Variants in ZNF665 observed in about 807,000 individuals in gnomAD.
ZNF665 encodes the protein zinc finger protein 665.
A neutral mutation model predicts 7.9 loss-of-function variants in ZNF665; 6 were observed. The observed-to-expected ratio is 0.76, with a 90% CI of 0.42 to 1.50. ZNF665 has a LOEUF of 1.50. ZNF665 is among the 40% of genes most tolerant of loss of function. The pLI is 0.01. For missense variants in ZNF665, 819 were observed against 806.7 expected, an observed-to-expected ratio of 1.02 and a Z score of -0.18; for synonymous variants, 242 against 274.5, an observed-to-expected ratio of 0.88 and a Z score of 1.17.
intron 1 of ZNF665, among the ~76,000 whole-genome samples, chr19:53,183,964 T>G (rs1193904493): frequency 6.6e-6 from 1 of 152,130 alleles, no homozygotes; most frequent in Non-Finnish European, 1.5e-5. Context: ...CCAAAGAATG[T>G]TTAAGCTGGG....
intron 3 of ZNF665, among the ~76,000 whole-genome samples, chr19:53,167,648 G>A (rs1433879198): frequency 7.3e-5 from 11 of 149,678 alleles, no homozygotes; most frequent in East Asian, 2.1e-4. Context: ...GGGTTTCACC[G>A]TGTTAGCCAG....
At chr19:53,167,470 T>C (rs1391711558) in intron 3 of ZNF665, among the ~76,000 whole-genome samples, 2 of 151,234 alleles carry the variant, frequency 1.3e-5, no homozygotes, top group Non-Finnish European at 3.0e-5. Flanking sequence ...CTCTTTTTTT[T>C]TGGAGACAGA....
chr19:53,164,539 C>T lies in ZNF665; in HGVS notation c.1951G>A (p.Asp651Asn). The change falls in exon 4 of 4, where the codon GAC becomes AAC. Residue 651 changes from aspartate (D) to asparagine (N), a missense_variant. By Grantham distance (23) the Asp-to-Asn change is conservative. Coordinates refer to ENST00000396424, the MANE Select transcript of ZNF665 (RefSeq NM_024733.5). ...LTTHMAVHTG[D>N]KPYKCNQCGK... ...CATTGGTTACATTTGTAAGGTTTGT[C>T]TCCAGTATGGACTGCCATATGGGTA... 6.2e-7 allele frequency: 1 copy of T among 1,613,978 alleles called. No homozygotes were observed. Among genetic ancestry groups the T allele is most frequent in the Non-Finnish European group, 8.5e-7 (1 of 1,179,906 alleles).
At chr19:53,167,452 A>G (rs561967493) in intron 3 of ZNF665, among the ~76,000 whole-genome samples, 28 of 122,008 alleles carry the variant, frequency 2.3e-4, no homozygotes, top group African/African-American at 7.1e-4. Flanking sequence ...ATTGTCAACA[A>G]TTTCTCTCTC....
intron 3 of ZNF665, among the ~76,000 whole-genome samples, chr19:53,169,292 T>A (rs189704168): frequency 9.2e-5 from 14 of 151,996 alleles, no homozygotes; most frequent in Non-Finnish European, 1.5e-4. Context: ...TATTAATATA[T>A]ATAGATAATA....
chr19:53,169,556 A>C (rs62115537), intron 3 of ZNF665, among the ~76,000 whole-genome samples: 29,734 of 151,934 alleles, frequency 0.2, 3,583 homozygotes, highest in African/African-American at 0.34. Context: ...CTATACTTTA[A>C]GTTTTAGGGT....
Position 53,165,620 on chromosome 19 carries a change from G to A in ZNF665, c.870C>T (p.Tyr290=), listed in dbSNP as rs2090605945. The A allele has an allele frequency of 6.2e-7, 1 of 1,613,918 alleles. No homozygotes were observed. The highest frequency in any genetic ancestry group is 1.3e-5 in the African/African-American group (1 of 74,878). Residue 290 remains tyrosine, a synonymous_variant, in exon 4 of 4, where the codon TAC becomes TAT. Transcript: ENST00000396424. ...HQVIHTGEKP[Y]KCKECGKCFT... is the part of the protein sequence containing the mutation. ...AGCACTTGCCACATTCCTTACATTT[G>A]TAAGGTTTTTCTCCAGTATGGATGA... is the stretch of plus-strand genomic sequence containing the variant.
chr19:53,171,524 ATTT>A (rs1215685651), intron 3 of ZNF665, among the ~76,000 whole-genome samples: 47 of 69,318 alleles, frequency 6.8e-4, no homozygotes, highest in African/African-American at 1.8e-3. Flanking sequence ...ATATATATAT[ATTT>A]TTTTTTTTTT....
chr19:53,171,289 G>A (rs1429844836), intron 3 of ZNF665, among the ~76,000 whole-genome samples: 1 of 151,588 alleles, frequency 6.6e-6, no homozygotes, highest in Non-Finnish European at 1.5e-5. Flanking sequence ...TGCGGCAAGA[G>A]ATCACTTTTT....
Position 53,165,398 on chromosome 19 carries a change from A to C in ZNF665, c.1092T>G (p.His364Gln). Residue 364 changes from histidine to glutamine, a missense_variant, in exon 4 of 4, where the codon CAT becomes CAG. His to Gln is a conservative substitution (Grantham distance 24). Coordinates refer to ENST00000396424, the MANE Select transcript of ZNF665 (RefSeq NM_024733.5). Reference protein sequence around the residue: ...VFRHNSYLAKHRRIHTGEKPY... With the variant: ...VFRHNSYLAKQRRIHTGEKPY... ...GTTTCTCACCAGTATGAATTCGCCG[A>C]TGCTTTGCAAGGTATGAATTGTGCC... 6.2e-7 allele frequency: 1 copy of C among 1,614,144 alleles called. No homozygotes were observed. The highest frequency in any genetic ancestry group is 8.5e-7 in the Non-Finnish European group (1 of 1,180,028).
chr19:53,185,749 A>T (rs1219390113), intron 1 of ZNF665, among the ~76,000 whole-genome samples: 2 of 151,984 alleles, frequency 1.3e-5, no homozygotes, highest in Admixed American at 1.3e-4. Flanking sequence ...AGGTATCAAA[A>T]ACTTGAAAAC....
chr19:53,164,893 G>A lies in ZNF665; in HGVS notation c.1597C>T (p.Gln533Ter). 1 of 1,614,032 alleles carries A rather than the reference G, an allele frequency of 6.2e-7. No homozygotes were observed. Among genetic ancestry groups the A allele is most frequent in the Non-Finnish European group, 8.5e-7 (1 of 1,180,022 alleles). ...FSVHSSLTIH[Q>*]TIHTGQKPYK... ...GGTTTTTGTCCAGTATGTATTGTCTGATGTATAGTTAGGCTTGAATGAACA... is the reference window on the plus strand; with the variant it reads ...GGTTTTTGTCCAGTATGTATTGTCTAATGTATAGTTAGGCTTGAATGAACA... Residue 533 changes from glutamine (Q) to a stop codon, truncating the protein, a stop_gained, in exon 4 of 4, where the codon CAG becomes TAG. Coordinates refer to ENST00000396424, the MANE Select transcript of ZNF665 (RefSeq NM_024733.5). LOFTEE classifies it low-confidence loss of function (END_TRUNC).
chr19:53,193,243 C>T (rs2146902281), intron 1 of ZNF665, 69 bp downstream of exon 1: 1 of 152,268 alleles, frequency 6.6e-6, no homozygotes, highest in South Asian at 2.1e-4. Context: ...ATACGAACCC[C>T]CGGACATCGG....
intron 1 of ZNF665, among the ~76,000 whole-genome samples, chr19:53,189,766 T>C (rs2090801837): frequency 6.6e-6 from 1 of 150,600 alleles, no homozygotes; most frequent in Non-Finnish European, 1.5e-5. Context: ...TTCTCTAAAC[T>C]CCCCCGGGGA....
At chr19:53,171,164 T>C (rs752653397) in intron 3 of ZNF665, among the ~76,000 whole-genome samples, 18 of 151,840 alleles carry the variant, frequency 1.2e-4, no homozygotes, top group Admixed American at 1.1e-3. Context: ...TTTTATATTT[T>C]TAGTAGAGAC....
At chr19:53,168,997 A>T (rs1467395689) in intron 3 of ZNF665, among the ~76,000 whole-genome samples, 1 of 152,172 alleles carries the variant, frequency 6.6e-6, no homozygotes, top group Non-Finnish European at 1.5e-5. Flanking sequence ...ACTTTTAGAA[A>T]ACCAACATGA....
chr19:53,183,452 G>A (rs988501289), intron 1 of ZNF665, among the ~76,000 whole-genome samples: 1 of 152,210 alleles, frequency 6.6e-6, no homozygotes, highest in African/African-American at 2.4e-5. Flanking sequence ...GGGGGCGTAA[G>A]AGATGTATTT....
intron 1 of ZNF665, among the ~76,000 whole-genome samples, chr19:53,192,095 C>T (rs1382927365): frequency 6.6e-6 from 1 of 152,022 alleles, no homozygotes; most frequent in Admixed American, 6.6e-5. Flanking sequence ...CTCCTTCCCT[C>T]TATCCTTCTC....
intron 3 of ZNF665, among the ~76,000 whole-genome samples, chr19:53,171,524 A>ATATTTTTTTT (rs372855271): frequency 7.5e-4 from 52 of 69,314 alleles, no homozygotes; most frequent in African/African-American, 2.6e-3. Flanking sequence ...ATATATATAT[A>ATATTTTTTTT]TTTTTTTTTT....
Sources: allele counts gnomAD v4.1 joint callset (sites outside exome capture counted in the v4.1 genomes callset), GRCh38; gene constraint gnomAD v4.1.1; transcripts MANE v1.5; gene names NCBI Gene and HGNC (gene_info 2026-07-23, HGNC 2026-07-21).